The following CHL1 variants were observed in gnomAD, a reference collection of about 807,000 sequenced individuals.
CHL1 encodes the protein cell adhesion molecule L1 like.
A neutral mutation model predicts 141.9 loss-of-function variants in CHL1; 96 were observed. That is an observed-to-expected ratio of 0.68 (90% CI 0.57 to 0.80). CHL1 has a LOEUF of 0.80. Ranked by LOEUF, CHL1 falls within the 30% of genes least tolerant of loss-of-function variation. The pLI is 0.00. For synonymous variants in CHL1, 613 were observed against 502.2 expected (o/e 1.22, Z -2.95); for missense variants, 1,820 against 1,457.2 (o/e 1.25, Z -4.05).
chr3:310,154 G>A (rs1219975637), intron 2 of CHL1, among the ~76,000 whole-genome samples: 1 of 152,144 alleles, frequency 6.6e-6, no homozygotes, highest in Admixed American at 6.5e-5. Context: ...TTAAAAATGA[G>A]CATTCATGGG....
chr3:268,349 C>T (rs558515618), intron 2 of CHL1, among the ~76,000 whole-genome samples: 2 of 152,044 alleles, frequency 1.3e-5, no homozygotes, highest in South Asian at 4.2e-4. Context: ...GTCTGGCTAA[C>T]ATGGTGAAAT....
At chr3:399,816 C>T (rs75769523) in intron 26 of CHL1, among the ~76,000 whole-genome samples, 8,908 of 152,178 alleles carry the variant, frequency 0.059, 918 homozygotes, top group African/African-American at 0.2. Context: ...GCATGACATA[C>T]ATGACTCATA....
At position 408,582 on chromosome 3, in the gene CHL1, A is replaced by T. The variant is rs1709673094; in HGVS notation, c.*2871A>T. The T allele has an allele frequency of 6.6e-6, 1 of 152,098 alleles. No individual in the cohort carries two copies. Among genetic ancestry groups the T allele is most frequent in the African/African-American group, 2.4e-5 (1 of 41,440 alleles). 9.4% of individuals were successfully genotyped at this position (152,098 alleles called of 1,614,324 possible). On this transcript the variant is annotated 3_prime_UTR_variant, in exon 28 of 28. Transcript: ENST00000256509. ...TTCTAACTTCATAAGCAAACCTTTA[A>T]CTAATTATGTATCTGAAAGTCACCC...
intron 27 of CHL1, among the ~76,000 whole-genome samples, chr3:404,619 C>A (rs1461923075): frequency 6.6e-6 from 1 of 152,044 alleles, no homozygotes; most frequent in African/African-American, 2.4e-5. Context: ...TAAAATGTAA[C>A]AAACTTGAAT....
chr3:337,659 T>G (rs534070145), intron 5 of CHL1, among the ~76,000 whole-genome samples: 4 of 152,270 alleles, frequency 2.6e-5, no homozygotes, highest in Non-Finnish European at 5.9e-5. Flanking sequence ...TAATGATGGT[T>G]TTCAGCTTCA....
At chr3:306,364 C>T (rs1487458727) in intron 2 of CHL1, among the ~76,000 whole-genome samples, 1 of 152,106 alleles carries the variant, frequency 6.6e-6, no homozygotes, top group African/African-American at 2.4e-5. Context: ...AAAATTTCTA[C>T]CAACATATCC....
chr3:249,463 C>G (rs892074896), intron 2 of CHL1, among the ~76,000 whole-genome samples: 3 of 152,130 alleles, frequency 2.0e-5, no homozygotes, highest in African/African-American at 7.2e-5. Context: ...GCAATGTAAT[C>G]TACCTTTCTT....
chr3:212,901 G>A (rs1440014716), intron 1 of CHL1, among the ~76,000 whole-genome samples: 1 of 152,102 alleles, frequency 6.6e-6, no homozygotes, highest in Non-Finnish European at 1.5e-5. Flanking sequence ...TCATATCTTT[G>A]TGCCAAATTC....
chr3:294,402 T>C (rs1697995434), intron 2 of CHL1, among the ~76,000 whole-genome samples: 1 of 152,180 alleles, frequency 6.6e-6, no homozygotes, highest in Non-Finnish European at 1.5e-5. Context: ...ACGAGGAAGG[T>C]AAATTAATCA....
chr3:287,366 T>G (rs1042000169), intron 2 of CHL1, among the ~76,000 whole-genome samples: 1 of 152,194 alleles, frequency 6.6e-6, no homozygotes, highest in South Asian at 2.1e-4. Flanking sequence ...GTTGAAGAAC[T>G]TTTCCTGCAA....
intron 2 of CHL1, among the ~76,000 whole-genome samples, chr3:276,917 G>C (rs78525639): frequency 8.4e-6 from 1 of 119,374 alleles, no homozygotes; most frequent in Non-Finnish European, 1.8e-5. Context: ...AAAAAAAAAA[G>C]AGTATGGGCT....
chr3:368,468 A>G (rs1705188932), intron 15 of CHL1, among the ~76,000 whole-genome samples: 1 of 152,092 alleles, frequency 6.6e-6, no homozygotes, highest in Non-Finnish European at 1.5e-5. Context: ...AATATGTTTA[A>G]GTTCCTTTTA....
intron 23 of CHL1, among the ~76,000 whole-genome samples, chr3:393,425 C>T (rs1320945863): frequency 1.3e-5 from 2 of 151,974 alleles, no homozygotes; most frequent in Non-Finnish European, 2.9e-5. Context: ...CAATAGGAAA[C>T]TCAACTAATT....
chr3:393,415 C>A (rs1204730447), intron 23 of CHL1, among the ~76,000 whole-genome samples: 6 of 151,920 alleles, frequency 3.9e-5, no homozygotes, highest in Non-Finnish European at 8.8e-5. Context: ...CTTATCCTAA[C>A]AATAGGAAAC....
intron 2 of CHL1, chr3:248,099 C>T (rs1350579634): frequency 6.6e-6 from 1 of 152,098 alleles, no homozygotes; most frequent in Non-Finnish European, 1.5e-5. Flanking sequence ...CCAAACACCC[C>T]ATTCCCTTCA....
chr3:382,707 A>G (rs1559339267), intron 18 of CHL1, 36 bp downstream of exon 18: 5 of 1,552,700 alleles, frequency 3.2e-6, no homozygotes, highest in Admixed American at 1.7e-5. Context: ...CTAACAAAAT[A>G]TTTGTTTGTC....
chr3:242,797 T>C (rs552197911), intron 1 of CHL1, among the ~76,000 whole-genome samples: 1 of 152,244 alleles, frequency 6.6e-6, no homozygotes, highest in South Asian at 2.1e-4. Flanking sequence ...GAGAGCTCTG[T>C]GGGCGTAGGC....
chr3:333,473 A>G (rs1701624062), intron 5 of CHL1, among the ~76,000 whole-genome samples: 1 of 152,208 alleles, frequency 6.6e-6, no homozygotes, highest in African/African-American at 2.4e-5. Context: ...ATTTTCAACA[A>G]CATTGCAGTT....
At chr3:209,449 A>C (rs531121049) in intron 1 of CHL1, among the ~76,000 whole-genome samples, 8 of 152,370 alleles carry the variant, frequency 5.3e-5, no homozygotes, top group African/African-American at 1.9e-4. Flanking sequence ...AAATAAATTG[A>C]CATACCACCT....
Sources: gnomAD v4.1 joint callset for allele counts (sites outside exome capture counted in the v4.1 genomes callset) on GRCh38, gnomAD v4.1.1 for gene constraint, MANE v1.5 for transcripts, NCBI Gene and HGNC (gene_info 2026-07-23, HGNC 2026-07-21) for gene names.